ISLR2: variants seen among roughly 807,000 people sequenced by gnomAD.
ISLR2 encodes the protein immunoglobulin superfamily containing leucine-rich repeat protein 2.
Under a neutral mutation model 25.5 loss-of-function variants are expected in ISLR2, and 16 were observed. That is an observed-to-expected ratio of 0.63 (90% CI 0.43 to 0.95). The LOEUF (loss-of-function observed/expected upper bound fraction) is 0.95. Ranked by LOEUF, ISLR2 falls within the 40% of genes least tolerant of loss-of-function variation. The pLI, the probability that ISLR2 is intolerant of heterozygous loss-of-function variation, is 0.00. For synonymous variants in ISLR2, 508 were observed against 486.6 expected (o/e 1.04, Z -0.58); for missense variants, 883 against 1,030.7 (o/e 0.86, Z 1.96).
Position 74,132,572 on chromosome 15 carries a change from T to C in ISLR2, c.-8-175T>C, listed in dbSNP as rs2072446447. On this transcript the variant is annotated intron_variant, in intron 2 of 2. Coordinates refer to ENST00000453268, the MANE Select transcript of ISLR2 (RefSeq NM_020851.3). The surrounding 1 kb of genome is among the most constrained non-coding windows in gnomAD (Gnocchi z 4.3). ...TAGGGCCCTGGGAGGGAGCATCCGT[T>C]GAACCTCGAGATTTTTATTGACCTT... Among the ~76,000 whole-genome samples the C allele has an allele frequency of 1.3e-5, 2 of 152,200 alleles. No homozygotes were observed. The highest frequency in any genetic ancestry group is 4.1e-4 in the South Asian group (2 of 4,832).
At chr15:74,109,859 A>G (rs1463553408) in intron 2 of ISLR2, among the ~76,000 whole-genome samples, 1 of 152,170 alleles carries the variant, frequency 6.6e-6, no homozygotes, top group Non-Finnish European at 1.5e-5. Flanking sequence ...ATAATGGTGC[A>G]GTCACAGCTC....
Position 74,133,549 on chromosome 15 carries a change from C to T in ISLR2, c.795C>T (p.His265=). ...AFVLHCIADG[H]PTPRLQWQLQ... ...TGTTACACTGCATCGCCGACGGCCA[C>T]CCTACGCCTCGCCTGCAATGGCAAC... is the stretch of plus-strand genomic sequence containing the variant. Residue 265 remains histidine (H), a synonymous_variant, in exon 3 of 3, where the codon CAC becomes CAT. Transcript: ENST00000453268. The T allele has an allele frequency of 6.2e-7, 1 of 1,614,120 alleles. No homozygotes were observed. The highest frequency in any genetic ancestry group is 8.5e-7 in the Non-Finnish European group (1 of 1,179,988).
At position 74,133,008 on chromosome 15, in the gene ISLR2, A is replaced by G. The variant is rs147061047; in HGVS notation, c.254A>G (p.Asn85Ser). The change falls in exon 3 of 3, where the codon AAT becomes AGT. Residue 85 changes from asparagine to serine, a missense_variant. Around this residue, in one of 2 missense-constraint regions of ISLR2, gnomAD observed 271 missense variants for 387.9 expected, o/e 0.70. Transcript: ENST00000453268. ...TQVTSLWLAH[N>S]EVRTVEPGAL... ...GTCACGTCGCTGTGGCTGGCGCACAATGAGGTGCGCACCGTGGAGCCAGGC... is the reference window on the plus strand; with the variant it reads ...GTCACGTCGCTGTGGCTGGCGCACAGTGAGGTGCGCACCGTGGAGCCAGGC... 91 of 1,613,260 alleles carry G rather than the reference A, an allele frequency of 5.6e-5. No homozygotes were observed. Among genetic ancestry groups the G allele is most frequent in the African/African-American group, 2.3e-4 (17 of 74,946 alleles).
chr15:74,126,787 GC>G (rs1436453356), upstream of ISLR2: 6 of 152,382 alleles, frequency 3.9e-5, no homozygotes, highest in Non-Finnish European at 5.9e-5. Context: ...ACAAGGAAAG[GC>G]CGGAGGAGGG....
chr15:74,102,157 G>A (rs1181211201), intron 1 of ISLR2, among the ~76,000 whole-genome samples: 6 of 117,792 alleles, frequency 5.1e-5, no homozygotes, highest in Non-Finnish European at 6.9e-5. Flanking sequence ...GGTGGGGGTT[G>A]CAGTGAGCCG....
Position 74,132,634 on chromosome 15 carries a change from C to T in ISLR2, c.-8-113C>T, listed in dbSNP as rs1007885498. 1 of 1,395,010 alleles carries T rather than the reference C, an allele frequency of 7.2e-7. No individual in the cohort carries two copies. Among genetic ancestry groups the T allele is most frequent in the South Asian group, 1.5e-5 (1 of 67,916 alleles). 86.4% of individuals were successfully genotyped at this position (1,395,010 alleles called of 1,614,324 possible). On this transcript the variant is annotated intron_variant, in intron 2 of 2. Transcript: ENST00000453268. The surrounding 1 kb of genome is among the most constrained non-coding windows in gnomAD (Gnocchi z 4.3). ...GGCTCCTGGCCATAGAGGAGGTTAC[C>T]GGAGCCCTGGAACTAGTGCTAAACG...
At chr15:74,124,469 C>T (rs1055651875), upstream of ISLR2, among the ~76,000 whole-genome samples, 1 of 152,048 alleles carries the variant, frequency 6.6e-6, no homozygotes, top group African/African-American at 2.4e-5. Context: ...GTTAACATTA[C>T]GTTTGTGGCT....
chr15:74,129,245 C>T, upstream of ISLR2: 1 of 354,500 alleles, frequency 2.8e-6, no homozygotes, highest in Non-Finnish European at 5.6e-6. This position sits in a 1 kb window ranked among gnomAD's most constrained non-coding sequence, Gnocchi z 4.5. Flanking sequence ...AGTGTGAGCG[C>T]ACCAGTCTGT....
rs1321911407 is a variant in ISLR2, at chr15:74,134,899, GGGCTCTGAGTACAGCGATCGGCT to G, written c.2147_2169del (p.Gly716AlafsTer14). The G allele has an allele frequency of 1.2e-6, 2 of 1,614,002 alleles. No individual in the cohort carries two copies. The highest frequency in any genetic ancestry group is 1.7e-6 in the Non-Finnish European group (2 of 1,180,036). On this transcript the variant is annotated frameshift_variant, in exon 3 of 3. Coordinates refer to ENST00000453268, the MANE Select transcript of ISLR2 (RefSeq NM_020851.3). LOFTEE classifies it high-confidence loss of function. ...AGGCCAACCAAGAGGAGTTCGAGGCGGGCTCTGAGTACAGCGATCGGCTGCCCCTGGGCGCCGAGGCGGTCAAC... is the reference window on the plus strand; with the variant it reads ...AGGCCAACCAAGAGGAGTTCGAGGCGGCCCCTGGGCGCCGAGGCGGTCAAC...
rs1422987089 is a variant in ISLR2 at position 74,115,180 on chromosome 15, AG to A, written n.228+11267del. On this transcript the variant is annotated intron_variant and non_coding_transcript_variant, in intron 2 of 3. Coordinates refer to the ISLR2 transcript ENST00000561975. ...CCTCATAATACTTAGGAAATGGAAG[AG>A]AAGCTTTAGAAAAGTATTGCCTTAA... is the stretch of plus-strand genomic sequence containing the variant. Among the ~76,000 whole-genome samples, 10 of 152,356 alleles carry A rather than the reference AG, an allele frequency of 6.6e-5. No homozygotes were observed. The East Asian group carries it at 1.9e-3, about 29-fold the overall frequency.
Position 74,133,908 on chromosome 15 carries a change from G to T in ISLR2, c.1154G>T (p.Gly385Val). The T allele has an allele frequency of 6.2e-7, 1 of 1,605,334 alleles. No homozygotes were observed. The highest frequency in any genetic ancestry group is 2.2e-5 in the East Asian group (1 of 44,518). The part of the protein sequence containing the change: ...TGPPKHAPGA[G>V]GEPDGQAPTS... ...CCCCCAAAACACGCGCCTGGCGCCGGGGGAGAACCCGACGGACAGGCCCCG... is the reference window on the plus strand; with the variant it reads ...CCCCCAAAACACGCGCCTGGCGCCGTGGGAGAACCCGACGGACAGGCCCCG... Residue 385 changes from glycine (G) to valine (V), a missense_variant, in exon 3 of 3, where the codon GGG becomes GTG. Gly to Val is a moderately radical substitution (Grantham distance 109). Around this residue, in one of 2 missense-constraint regions of ISLR2, gnomAD observed 612 missense variants for 642.8 expected, o/e 0.95. Transcript: ENST00000453268.
chr15:74,111,595 CATTCATTCAT>C lies in ISLR2; in HGVS notation n.228+7682_228+7691del, dbSNP rs2072168385. Among the ~76,000 whole-genome samples, 3 of 119,534 alleles carry C rather than the reference CATTCATTCAT, an allele frequency of 2.5e-5. No homozygotes were observed. The South Asian group carries it at 8.5e-4, about 34-fold the overall frequency. 78.4% of individuals were successfully genotyped at this position (119,534 alleles called of 152,430 possible). ...TGAGCCACCATGCCAGGCCTCTATT[CATTCATTCAT>C]TCATTCATTCATTCATTCATTCTTT... On this transcript the variant is annotated intron_variant and non_coding_transcript_variant, in intron 2 of 3. Coordinates refer to the ISLR2 transcript ENST00000561975.
upstream of ISLR2, among the ~76,000 whole-genome samples, chr15:74,125,023 C>T (rs969314579): frequency 2.0e-5 from 3 of 152,118 alleles, no homozygotes; most frequent in Non-Finnish European, 2.9e-5. Flanking sequence ...TGTTATTTGC[C>T]GATGGAAATA....
At chr15:74,125,382 C>T (rs1416866639), upstream of ISLR2, among the ~76,000 whole-genome samples, 1 of 152,270 alleles carries the variant, frequency 6.6e-6, no homozygotes, top group Admixed American at 6.5e-5. Flanking sequence ...GCTGGGACCA[C>T]AGTTGTGTGC....
At chr15:74,131,832 C>A in intron 2 of ISLR2, 1 of 152,454 alleles carries the variant, frequency 6.6e-6, no homozygotes. Flanking sequence ...CTTCTCCCCT[C>A]ACAGGAGCTG....
chr15:74,135,516 AT>A lies in ISLR2; in HGVS notation c.*530del, dbSNP rs1567165765. The A allele has an allele frequency of 1.2e-5, 2 of 160,872 alleles. No homozygotes were observed. Among genetic ancestry groups the A allele is most frequent in the South Asian group, 2.2e-4 (1 of 4,610 alleles). The allele number at this position is 160,872 out of a possible 1,614,324, so 10.0% of individuals were successfully genotyped here. ...TTTAATTTTATTTATTTATTTATTT[AT>A]TTTTTGACGGAGTCTTGGTCTGTCG... On this transcript the variant is annotated 3_prime_UTR_variant, in exon 3 of 3. Transcript: ENST00000453268.
chr15:74,129,819 T>C (rs1053375605), upstream of ISLR2: 1 of 151,782 alleles, frequency 6.6e-6, no homozygotes, highest in African/African-American at 2.4e-5. This position sits in a 1 kb window ranked among gnomAD's most constrained non-coding sequence, Gnocchi z 4.5. Context: ...GCTGTGAAGA[T>C]ATGGGGGGCA....
chr15:74,126,243 T>C (rs1242036799), upstream of ISLR2: 1 of 151,986 alleles, frequency 6.6e-6, no homozygotes, highest in East Asian at 1.9e-4. Flanking sequence ...AATTCAGCTA[T>C]TATATAAAAA....
intron 2 of ISLR2, among the ~76,000 whole-genome samples, chr15:74,104,531 C>G (rs1191960955): frequency 6.6e-6 from 1 of 152,118 alleles, no homozygotes; most frequent in Non-Finnish European, 1.5e-5. Context: ...GCCTGTAACC[C>G]CAGTGCATTG....
Sources: gnomAD v4.1 joint callset for allele counts (sites outside exome capture counted in the v4.1 genomes callset) on GRCh38, gnomAD v4.1.1 for gene constraint, gnomAD v4.1.1 regional missense constraint, Gnocchi (gnomAD v3.1) non-coding constraint, MANE v1.5 for transcripts, NCBI Gene and HGNC (gene_info 2026-07-23, HGNC 2026-07-21) for gene names.